The following LPCAT2 variants were observed in gnomAD, a reference collection of about 807,000 sequenced individuals.
LPCAT2 encodes 1-AGP acyltransferase 11.
Under a neutral mutation model 64.7 loss-of-function variants are expected in LPCAT2, and 58 were observed. The observed-to-expected ratio is 0.90, with a 90% CI of 0.73 to 1.12. LPCAT2 has a LOEUF of 1.12. Ranked by LOEUF, LPCAT2 falls within the 50% of genes most tolerant of loss-of-function variation. The pLI is 0.00. For missense variants in LPCAT2, 579 were observed against 669.8 expected (o/e 0.86, Z 1.50); for synonymous variants, 252 against 245.3 (o/e 1.03, Z -0.26).
intron 11 of LPCAT2, chr16:55,567,299 A>G (rs1344276682): frequency 4.3e-6 from 7 of 1,613,566 alleles, no homozygotes; most frequent in Non-Finnish European, 5.1e-6. Flanking sequence ...TGCAGGCCGC[A>G]GGCTTCCAGC....
At chr16:55,566,916 G>C (rs1393969131) in intron 11 of LPCAT2, 1 of 1,613,872 alleles carries the variant, frequency 6.2e-7, no homozygotes, top group East Asian at 2.2e-5. Flanking sequence ...GGCTGCAGCA[G>C]CTCAGTATAC....
chr16:55,568,817 T>C (rs1356821068), intron 11 of LPCAT2, among the ~76,000 whole-genome samples: 1 of 152,188 alleles, frequency 6.6e-6, no homozygotes, highest in Non-Finnish European at 1.5e-5. Flanking sequence ...GCTGGGGTAG[T>C]TGTGCCTTTC....
chr16:55,510,093 G>A (rs1164061895), intron 1 of LPCAT2, among the ~76,000 whole-genome samples: 3 of 148,086 alleles, frequency 2.0e-5, no homozygotes, highest in South Asian at 4.3e-4. Flanking sequence ...AGAACAACAG[G>A]TAAGGCTGGA....
At chr16:55,580,734 C>T (rs540954915) in intron 13 of LPCAT2, among the ~76,000 whole-genome samples, 22 of 152,280 alleles carry the variant, frequency 1.4e-4, no homozygotes, top group African/African-American at 4.8e-4. Flanking sequence ...CCATTAGGAA[C>T]GGAGTTACAC....
At chr16:55,509,454 G>A (rs920778618) in intron 1 of LPCAT2, 102 bp downstream of exon 1, 10 of 1,201,454 alleles carry the variant, frequency 8.3e-6, no homozygotes, top group South Asian at 2.3e-5. Flanking sequence ...GGCGGCCGAG[G>A]GGGGCGTGGG....
At chr16:55,575,703 T>A (rs904877061) in intron 12 of LPCAT2, among the ~76,000 whole-genome samples, 11 of 152,224 alleles carry the variant, frequency 7.2e-5, no homozygotes, top group Admixed American at 2.6e-4. Context: ...GAGTTCTTTC[T>A]TATGTCTTAG....
chr16:55,512,236 A>G (rs1236530430), intron 1 of LPCAT2, among the ~76,000 whole-genome samples: 2 of 152,214 alleles, frequency 1.3e-5, no homozygotes, highest in African/African-American at 4.8e-5. Flanking sequence ...TCAAGTGAAT[A>G]ATAATAATTT....
At chr16:55,529,592 A>G (rs1342760031) in intron 3 of LPCAT2, among the ~76,000 whole-genome samples, 2 of 152,208 alleles carry the variant, frequency 1.3e-5, no homozygotes, top group African/African-American at 4.8e-5. Context: ...TTTAGGGAGA[A>G]AATTACATTT....
intron 7 of LPCAT2, among the ~76,000 whole-genome samples, 176 bp downstream of exon 7, chr16:55,534,653 C>T (rs1239119617): frequency 6.6e-6 from 1 of 152,190 alleles, no homozygotes; most frequent in African/African-American, 2.4e-5. Flanking sequence ...CTGTAGAGAG[C>T]ATCACTATCT....
chr16:55,573,326 A>C (rs1963790676), intron 11 of LPCAT2, among the ~76,000 whole-genome samples: 1 of 152,210 alleles, frequency 6.6e-6, no homozygotes, highest in African/African-American at 2.4e-5. Context: ...TAGTGTTTTA[A>C]AGTGGAAGTT....
At chr16:55,517,624 A>G (rs1244325396) in intron 1 of LPCAT2, among the ~76,000 whole-genome samples, 1 of 152,170 alleles carries the variant, frequency 6.6e-6, no homozygotes, top group Non-Finnish European at 1.5e-5. Flanking sequence ...TCCAGCAACT[A>G]ATAAAAGGAA....
At chr16:55,568,900 A>G (rs1963737684) in intron 11 of LPCAT2, among the ~76,000 whole-genome samples, 1 of 152,162 alleles carries the variant, frequency 6.6e-6, no homozygotes, top group African/African-American at 2.4e-5. Context: ...AGAATCCAGG[A>G]TTCCGGTGCC....
chr16:55,560,644 C>A (rs1387812341), intron 11 of LPCAT2, among the ~76,000 whole-genome samples: 3 of 152,048 alleles, frequency 2.0e-5, no homozygotes, highest in African/African-American at 7.2e-5. Flanking sequence ...GCTAAACAGA[C>A]CTTTGGGTAT....
intron 11 of LPCAT2, among the ~76,000 whole-genome samples, chr16:55,557,732 T>C (rs1301130986): frequency 1.3e-5 from 2 of 152,136 alleles, no homozygotes; most frequent in African/African-American, 2.4e-5. Context: ...TGGTTGGCAT[T>C]TGGGGGATGG....
At chr16:55,547,766 T>G (rs747283282) in intron 9 of LPCAT2, among the ~76,000 whole-genome samples, 4 of 152,184 alleles carry the variant, frequency 2.6e-5, no homozygotes, top group African/African-American at 7.2e-5. Flanking sequence ...ATAGAAATTT[T>G]TTTTTTGTTT....
intron 1 of LPCAT2, among the ~76,000 whole-genome samples, chr16:55,514,049 T>TA (rs1213017646): frequency 6.6e-6 from 1 of 151,572 alleles, no homozygotes; most frequent in Non-Finnish European, 1.5e-5. Context: ...AAAATAAAAA[T>TA]AAAAAAATCA....
intron 8 of LPCAT2, chr16:55,539,247 C>CTTTTTTTTTTTT (rs11314938): frequency 1.5e-5 from 2 of 136,198 alleles, no homozygotes; most frequent in African/African-American, 2.8e-5. Context: ...TCATGGCTTT[C>CTTTTTTTTTTTT]TTTTTTTTTT....
At chr16:55,579,434 A>G (rs1169000821) in intron 13 of LPCAT2, among the ~76,000 whole-genome samples, 190 bp downstream of exon 13, 4 of 152,178 alleles carry the variant, frequency 2.6e-5, no homozygotes, top group African/African-American at 9.6e-5. Flanking sequence ...CTTATATGCT[A>G]GGCACTCTTC....
intron 13 of LPCAT2, among the ~76,000 whole-genome samples, chr16:55,580,918 TG>T (rs1284330739): frequency 6.6e-6 from 1 of 152,214 alleles, no homozygotes; most frequent in East Asian, 1.9e-4. Context: ...GATCTGAGGT[TG>T]AACAGTTTCA....
Sources: gnomAD v4.1 joint callset for allele counts (sites outside exome capture counted in the v4.1 genomes callset) on GRCh38, gnomAD v4.1.1 for gene constraint, MANE v1.5 for transcripts, NCBI Gene and HGNC (gene_info 2026-07-23, HGNC 2026-07-21) for gene names.